The following TOP6BL variants were observed in gnomAD, a reference collection of about 807,000 sequenced individuals.
The protein encoded by TOP6BL is TOP6B like initiator of meiotic double strand breaks.
At chr11:66,818,062 C>T in the TOP6BL span, among the ~76,000 whole-genome samples, 1 of 152,106 alleles carries the variant, frequency 6.6e-6, no homozygotes, top group African/African-American at 2.4e-5. Context: ...TGTCTCTGTT[C>T]TCCTTTCTCT....
chr11:66,811,867 C>T, the TOP6BL span, among the ~76,000 whole-genome samples: 1 of 152,154 alleles, frequency 6.6e-6, no homozygotes, highest in Non-Finnish European at 1.5e-5. Flanking sequence ...CGCTTGAGCA[C>T]AGGAATTTGA....
chr11:66,745,317 G>C, the TOP6BL span, among the ~76,000 whole-genome samples: 28 of 140,374 alleles, frequency 2.0e-4, no homozygotes, highest in African/African-American at 6.6e-4. Context: ...GGCGGGGTGG[G>C]GGGAGTCGGG....
At chr11:66,843,070 G>C in the TOP6BL span, 9 of 1,575,426 alleles carry the variant, frequency 5.7e-6, no homozygotes, top group Admixed American at 1.5e-4. Flanking sequence ...CCGCCTGGAG[G>C]TAACTGGGCG....
the TOP6BL span, among the ~76,000 whole-genome samples, chr11:66,804,953 G>A: frequency 3.3e-5 from 5 of 152,190 alleles, no homozygotes; most frequent in Non-Finnish European, 7.3e-5. Flanking sequence ...TGTAATCCCA[G>A]CTACTCAGGA....
the TOP6BL span, among the ~76,000 whole-genome samples, chr11:66,768,789 A>G: frequency 1.3e-5 from 2 of 151,806 alleles, no homozygotes; most frequent in South Asian, 2.1e-4. Context: ...GATGGAAAGG[A>G]CAGAAGTGGT....
the TOP6BL span, among the ~76,000 whole-genome samples, chr11:66,784,978 G>C: frequency 2.9e-4 from 7 of 24,042 alleles, no homozygotes; most frequent in Non-Finnish European, 6.5e-4. Flanking sequence ...TTTTTTTTTT[G>C]AGAGTCTCGC....
At chr11:66,831,996 C>CAAAAAAAAAAA in the TOP6BL span, among the ~76,000 whole-genome samples, 1 of 46,650 alleles carries the variant, frequency 2.1e-5, no homozygotes, top group Admixed American at 2.6e-4. Flanking sequence ...GACTCTGTCT[C>CAAAAAAAAAAA]AAAAAAAAAA....
At chr11:66,800,979 A>T in the TOP6BL span, 4 of 1,586,764 alleles carry the variant, frequency 2.5e-6, no homozygotes, top group Non-Finnish European at 3.5e-6. Flanking sequence ...TGTCAAACAG[A>T]GATTGATTTT....
chr11:66,809,101 C>T, the TOP6BL span, among the ~76,000 whole-genome samples: 4 of 152,278 alleles, frequency 2.6e-5, no homozygotes, highest in East Asian at 1.9e-4. Context: ...CCCGCCACCA[C>T]GCCAGGCTAA....
chr11:66,805,956 T>C, the TOP6BL span, among the ~76,000 whole-genome samples: 1 of 152,140 alleles, frequency 6.6e-6, no homozygotes, highest in African/African-American at 2.4e-5. Context: ...TTCAGCAAGA[T>C]AAAAAAACAT....
the TOP6BL span, chr11:66,815,616 T>A: frequency 6.4e-6 from 1 of 156,654 alleles, no homozygotes; most frequent in African/African-American, 2.4e-5. Flanking sequence ...TAAGAATAGG[T>A]TCTATCCGAT....
chr11:66,769,332 A>G, the TOP6BL span, among the ~76,000 whole-genome samples: 1 of 152,192 alleles, frequency 6.6e-6, no homozygotes, highest in African/African-American at 2.4e-5. Flanking sequence ...TTTCTTGGAT[A>G]TGACATTTAA....
the TOP6BL span, among the ~76,000 whole-genome samples, chr11:66,817,711 ACAGGTGTGAGCCACCACAC>A: frequency 6.6e-6 from 1 of 152,122 alleles, no homozygotes; most frequent in Non-Finnish European, 1.5e-5. Flanking sequence ...TACTGGGATT[ACAGGTGTGAGCCACCACAC>A]CAGGCCATTA....
At chr11:66,796,848 CTTAA>C in the TOP6BL span, among the ~76,000 whole-genome samples, 2 of 149,124 alleles carry the variant, frequency 1.3e-5, no homozygotes, top group African/African-American at 4.9e-5. Flanking sequence ...TTTCTATGTC[CTTAA>C]GACAGTTGTT....
At chr11:66,819,842 G>A in the TOP6BL span, among the ~76,000 whole-genome samples, 1 of 150,662 alleles carries the variant, frequency 6.6e-6, no homozygotes, top group African/African-American at 2.4e-5. Flanking sequence ...GGCGGAGGTT[G>A]CAGTGAGCCG....
the TOP6BL span, chr11:66,839,129 C>G: frequency 2.2e-6 from 1 of 456,308 alleles, no homozygotes; most frequent in South Asian, 1.5e-5. Flanking sequence ...ATGTCTCCTG[C>G]AGTGCTTAAA....
chr11:66,822,450 G>T, the TOP6BL span: 2 of 657,084 alleles, frequency 3.0e-6, no homozygotes, highest in Non-Finnish European at 5.4e-6. Context: ...TTTGTTGATG[G>T]ATAGGAAGAA....
chr11:66,815,846 G>A, the TOP6BL span: 48 of 480,810 alleles, frequency 1.0e-4, no homozygotes, highest in African/African-American at 8.3e-4. Context: ...TACACACATA[G>A]TTACTATTTT....
At chr11:66,765,696 A>C in the TOP6BL span, among the ~76,000 whole-genome samples, 1 of 152,120 alleles carries the variant, frequency 6.6e-6, no homozygotes, top group Non-Finnish European at 1.5e-5. Context: ...TTATATTTTT[A>C]GTAGAGATGG....
Sources: allele counts gnomAD v4.1 joint callset (sites outside exome capture counted in the v4.1 genomes callset), GRCh38; gene constraint gnomAD v4.1.1; transcripts MANE v1.5; gene names NCBI Gene and HGNC (gene_info 2026-07-23, HGNC 2026-07-21).